NPAS3: variants seen among roughly 807,000 people sequenced by gnomAD.
NPAS3 encodes the protein neuronal PAS domain-containing protein 3.
A neutral mutation model predicts 73.1 loss-of-function variants in NPAS3; 14 were observed. The ratio of observed to expected loss-of-function variants is 0.19; its 90% CI spans 0.13 to 0.30. NPAS3 has a LOEUF of 0.30. NPAS3 is among the 10% of genes least tolerant of loss of function. NPAS3 has a pLI of 1.00. For missense variants in NPAS3, 1,096 were observed against 1,250.0 expected (o/e 0.88, Z 1.86); for synonymous variants, 620 against 541.5 (o/e 1.14, Z -2.01).
intron 4 of NPAS3, among the ~76,000 whole-genome samples, chr14:33,442,600 G>A (rs974659108): frequency 3.3e-5 from 5 of 152,158 alleles, no homozygotes; most frequent in African/African-American, 1.2e-4. Flanking sequence ...GCTTTTGTAA[G>A]GGGCTTCGCC....
chr14:33,606,173 T>TA (rs1268503420), intron 5 of NPAS3, among the ~76,000 whole-genome samples: 1 of 151,428 alleles, frequency 6.6e-6, no homozygotes, highest in Non-Finnish European at 1.5e-5. Flanking sequence ...CTGCACCCAT[T>TA]AACTCGTCAT....
chr14:33,080,735 T>C (rs1322710092), intron 2 of NPAS3, among the ~76,000 whole-genome samples: 2 of 152,140 alleles, frequency 1.3e-5, no homozygotes, highest in Non-Finnish European at 2.9e-5. Context: ...CAGAGAGCAT[T>C]GTTGCGTGAA....
At chr14:33,741,023 C>T (rs61973015) in intron 7 of NPAS3, among the ~76,000 whole-genome samples, 24 of 152,024 alleles carry the variant, frequency 1.6e-4, no homozygotes, top group Non-Finnish European at 2.6e-4. Context: ...TGGAGGTATG[C>T]CCAGCACTAA....
chr14:33,654,565 G>T (rs142109421), intron 5 of NPAS3, among the ~76,000 whole-genome samples: 4 of 152,036 alleles, frequency 2.6e-5, no homozygotes, highest in African/African-American at 9.7e-5. Context: ...AAGTAAAGAC[G>T]CATTCCAAAT....
chr14:33,538,662 A>G (rs1302328897), intron 4 of NPAS3, among the ~76,000 whole-genome samples: 1 of 152,250 alleles, frequency 6.6e-6, no homozygotes, highest in African/African-American at 2.4e-5. Flanking sequence ...TTTGGAAAAG[A>G]TAGGGTAACC....
chr14:33,217,172 G>A (rs548958849), intron 3 of NPAS3, among the ~76,000 whole-genome samples: 3 of 152,158 alleles, frequency 2.0e-5, no homozygotes, highest in Non-Finnish European at 2.9e-5. Flanking sequence ...ATCAGATCTC[G>A]TGAGAACTCA....
chr14:33,803,827 T>A (rs1000123607), downstream of NPAS3: 1 of 151,964 alleles, frequency 6.6e-6, no homozygotes, highest in East Asian at 1.9e-4. Context: ...AGCTGAATAA[T>A]GGGGAAAGGG....
chr14:33,454,456 G>T (rs983862688), intron 4 of NPAS3, among the ~76,000 whole-genome samples: 1 of 152,160 alleles, frequency 6.6e-6, no homozygotes, highest in Non-Finnish European at 1.5e-5. Context: ...CACTAAGATT[G>T]CTGTGAGTAT....
At chr14:33,582,708 G>A (rs1408891131) in intron 5 of NPAS3, among the ~76,000 whole-genome samples, 4 of 152,110 alleles carry the variant, frequency 2.6e-5, no homozygotes, top group Non-Finnish European at 5.9e-5. Context: ...AAAGTTCATA[G>A]CGGATATTAA....
At chr14:33,703,197 A>G (rs905635594) in intron 6 of NPAS3, among the ~76,000 whole-genome samples, 1 of 152,152 alleles carries the variant, frequency 6.6e-6, no homozygotes, top group Admixed American at 6.5e-5. Context: ...ATGATATTAA[A>G]TTACCCTTGG....
chr14:33,114,765 C>T (rs2043006234), intron 2 of NPAS3, among the ~76,000 whole-genome samples: 1 of 151,984 alleles, frequency 6.6e-6, no homozygotes, highest in Non-Finnish European at 1.5e-5. Context: ...TGAAGAGAAA[C>T]CAAGAAGGCT....
At chr14:33,409,389 G>T (rs2047816015) in intron 4 of NPAS3, among the ~76,000 whole-genome samples, 1 of 152,108 alleles carries the variant, frequency 6.6e-6, no homozygotes, top group South Asian at 2.1e-4. Context: ...TATAATTTAT[G>T]TTAAAATAAA....
At chr14:33,032,340 GAGT>G (rs2040024003) in intron 1 of NPAS3, among the ~76,000 whole-genome samples, 1 of 152,130 alleles carries the variant, frequency 6.6e-6, no homozygotes, top group East Asian at 1.9e-4. Context: ...GAAATGGAGA[GAGT>G]AGGTACATGA....
intron 3 of NPAS3, among the ~76,000 whole-genome samples, chr14:33,297,164 C>G (rs114465448): frequency 1.3e-5 from 2 of 152,144 alleles, no homozygotes; most frequent in East Asian, 3.9e-4. Context: ...TGCAGACTTC[C>G]TGGTTCTAAT....
intron 4 of NPAS3, among the ~76,000 whole-genome samples, chr14:33,451,661 T>G (rs1051073265): frequency 6.6e-6 from 1 of 152,136 alleles, no homozygotes; most frequent in African/African-American, 2.4e-5. Flanking sequence ...TTTCTTTAGG[T>G]TCATTTCACT....
chr14:33,517,755 A>G (rs1420973605), intron 4 of NPAS3, among the ~76,000 whole-genome samples: 1 of 152,036 alleles, frequency 6.6e-6, no homozygotes, highest in Non-Finnish European at 1.5e-5. Flanking sequence ...ACATACTTAC[A>G]TATTTGCCCA....
intron 5 of NPAS3, among the ~76,000 whole-genome samples, chr14:33,622,775 T>C (rs552774217): frequency 6.6e-6 from 1 of 152,182 alleles, no homozygotes; most frequent in African/African-American, 2.4e-5. Flanking sequence ...TCCATTTTCA[T>C]AGTTGAGAGT....
chr14:33,143,689 T>G (rs2044141574), intron 2 of NPAS3, among the ~76,000 whole-genome samples: 3 of 152,114 alleles, frequency 2.0e-5, no homozygotes, highest in Admixed American at 6.6e-5. Context: ...ACCCCAAAAA[T>G]GAAACCTCAT....
exon 12 of NPAS3, chr14:33,801,098 A>C (rs2063704170): frequency 6.3e-7 from 1 of 1,586,004 alleles, no homozygotes; most frequent in African/African-American, 1.3e-5. Flanking sequence ...TCTGGAGCGC[A>C]AGGAGGACTG....
Sources: gnomAD v4.1 joint callset for allele counts (sites outside exome capture counted in the v4.1 genomes callset) on GRCh38, gnomAD v4.1.1 for gene constraint, MANE v1.5 for transcripts, NCBI Gene and HGNC (gene_info 2026-07-23, HGNC 2026-07-21) for gene names.